The following LMAN1 variants were observed in gnomAD, a reference collection of about 807,000 sequenced individuals.
LMAN1 encodes protein ERGIC-53.
In LMAN1, 32 loss-of-function variants were observed where a neutral mutation model predicts 67.8. The ratio of observed to expected loss-of-function variants is 0.47; its 90% confidence interval spans 0.36 to 0.63. The LOEUF (loss-of-function observed/expected upper bound fraction) is 0.63. Among genes scored for constraint, LMAN1 ranks in the 30% least tolerant of loss-of-function variants. The pLI is 0.00. For missense variants in LMAN1, 632 were observed against 628.2 expected (o/e 1.01, Z -0.06); for synonymous variants, 235 against 219.3 (o/e 1.07, Z -0.63).
At chr18:59,331,679 CT>C (rs988333412) in intron 11 of LMAN1, 140 bp from the exon 12 acceptor site, 6 of 928,640 alleles carry the variant, frequency 6.5e-6, no homozygotes, top group Non-Finnish European at 9.8e-6. Flanking sequence ...CTTCTATCCC[CT>C]TAACTTTTAC....
At chr18:59,344,146 T>C (rs962313067) in intron 8 of LMAN1, among the ~76,000 whole-genome samples, 1 of 152,092 alleles carries the variant, frequency 6.6e-6, no homozygotes, top group African/African-American at 2.4e-5. Context: ...AGACAACAGA[T>C]GTTGTCAAGA....
intron 1 of LMAN1, among the ~76,000 whole-genome samples, chr18:59,357,828 G>A (rs757962385): frequency 1.3e-5 from 2 of 152,042 alleles, no homozygotes; most frequent in African/African-American, 4.8e-5. Flanking sequence ...TTACTTATGG[G>A]GGAGGTGGGA....
chr18:59,346,870 C>T (rs1237777619), intron 7 of LMAN1, among the ~76,000 whole-genome samples: 1 of 152,042 alleles, frequency 6.6e-6, no homozygotes. Context: ...ACTTGCTATA[C>T]GTGCACTGTC....
intron 10 of LMAN1, among the ~76,000 whole-genome samples, chr18:59,334,101 T>G (rs1291315153): frequency 2.0e-5 from 3 of 152,194 alleles, no homozygotes; most frequent in Non-Finnish European, 4.4e-5. Flanking sequence ...GCATAACATT[T>G]TAATATAACT....
intron 7 of LMAN1, among the ~76,000 whole-genome samples, 191 bp from the exon 8 acceptor site, chr18:59,346,242 CAA>C (rs1291771262): frequency 1.1e-5 from 1 of 92,180 alleles, no homozygotes; most frequent in African/African-American, 4.1e-5. Flanking sequence ...TTTTTAGAGA[CAA>C]GAGTCGCGCT....
At chr18:59,339,230 T>G (rs1244930405) in intron 8 of LMAN1, among the ~76,000 whole-genome samples, 1 of 152,192 alleles carries the variant, frequency 6.6e-6, no homozygotes, top group African/African-American at 2.4e-5. Context: ...GGGATCAAAA[T>G]GGCTAACCAG....
intron 10 of LMAN1, 24 bp downstream of exon 10, chr18:59,338,533 C>A (rs763193163): frequency 4.7e-5 from 75 of 1,597,556 alleles, no homozygotes; most frequent in Non-Finnish European, 6.1e-5. Context: ...ACATAACACA[C>A]AAACGCTACT....
intron 4 of LMAN1, among the ~76,000 whole-genome samples, chr18:59,353,694 C>T (rs1379085377): frequency 6.6e-6 from 1 of 152,134 alleles, no homozygotes; most frequent in East Asian, 1.9e-4. Flanking sequence ...AAGCTATTTC[C>T]TCCACAACAA....
intron 1 of LMAN1, among the ~76,000 whole-genome samples, chr18:59,355,868 T>TA (rs944402757): frequency 6.6e-5 from 10 of 152,168 alleles, no homozygotes; most frequent in African/African-American, 1.9e-4. Flanking sequence ...ACTCATACAC[T>TA]AAAAATTACA....
At chr18:59,345,776 G>GCT in intron 8 of LMAN1, 143 bp downstream of exon 8, 1 of 923,998 alleles carries the variant, frequency 1.1e-6, no homozygotes, top group Admixed American at 2.2e-5. Flanking sequence ...CTAAAGATTT[G>GCT]CTCCTAAATT....
At chr18:59,354,742 C>T (rs1908621477) in intron 3 of LMAN1, among the ~76,000 whole-genome samples, 162 bp from the exon 4 acceptor site, 1 of 152,138 alleles carries the variant, frequency 6.6e-6, no homozygotes, top group South Asian at 2.1e-4. Context: ...CTTTAAATTG[C>T]TAACAATAAC....
rs376448437 is a variant in LMAN1 at position 59,354,537 on chromosome 18, A to G, written c.521T>C (p.Ile174Thr). ...AIVIIGNNGQIHYDHQNDGAS... is the reference protein window; with the variant it reads ...AIVIIGNNGQTHYDHQNDGAS... Reference sequence around the variant, plus strand: ...CACTTACTTTTGATGGTCATAATGGATTTGTCCATTGTTGCCTATAATTAC... The same window carrying G: ...CACTTACTTTTGATGGTCATAATGGGTTTGTCCATTGTTGCCTATAATTAC... Residue 174 changes from isoleucine (I) to threonine (T), a missense_variant, in exon 4 of 13, where the codon ATC becomes ACC. Ile to Thr is a moderately conservative substitution (Grantham distance 89, BLOSUM62 -1). Transcript: ENST00000251047. 35 of 1,515,472 alleles carry G rather than the reference A, an allele frequency of 2.3e-5. No individual in the cohort carries two copies. The highest frequency in any genetic ancestry group is 3.0e-5 in the Non-Finnish European group (33 of 1,090,982). The allele number at this position is 1,515,472 out of a possible 1,614,324, so 93.9% of individuals were successfully genotyped here.
At chr18:59,341,299 C>A (rs561655328) in intron 8 of LMAN1, among the ~76,000 whole-genome samples, 1 of 151,912 alleles carries the variant, frequency 6.6e-6, no homozygotes, top group Non-Finnish European at 1.5e-5. Context: ...CTAGATAGAT[C>A]GAGACAGAAA....
chr18:59,358,333 C>T (rs1048493832), intron 1 of LMAN1, among the ~76,000 whole-genome samples: 2 of 152,026 alleles, frequency 1.3e-5, no homozygotes, highest in Non-Finnish European at 2.9e-5. Context: ...ACAATCAATC[C>T]CTAAAAATAT....
rs1057457222 is a variant in LMAN1 at position 59,349,143 on chromosome 18, C to G, written c.733G>C (p.Gly245Arg). 1.9e-6 allele frequency: 3 copies of G among 1,614,012 alleles called. No homozygotes were observed. The change falls in exon 6 of 13, where the codon GGA becomes CGA. Residue 245 changes from glycine to arginine, a missense_variant. Gly to Arg is a moderately radical substitution (Grantham distance 125). Transcript: ENST00000251047. ...AGACCTCCAGTTGCAGCAGATATTC[C>G]AAAATGCCCTTGTGCAGGGATAATC... ...NMIIPAQGHF[G>R]ISAATGGLAD...
chr18:59,359,216 C>A lies in LMAN1; in HGVS notation c.29G>T (p.Arg10Leu). MAGSRQRGL[R>L]ARVRPLFCAL... is the part of the protein sequence containing the mutation. Reference sequence around the variant, plus strand: ...GCAGAACAGCGGCCGAACTCTGGCCCGGAGACCCCTTTGCCTGGATCCCGC... The same window carrying A: ...GCAGAACAGCGGCCGAACTCTGGCCAGGAGACCCCTTTGCCTGGATCCCGC... The change falls in exon 1 of 13, where the codon CGG becomes CTG. Residue 10 changes from arginine to leucine, a missense_variant. Transcript: ENST00000251047. 6.2e-7 allele frequency: 1 copy of A among 1,613,926 alleles called. No homozygotes were observed. Among genetic ancestry groups the A allele is most frequent in the Non-Finnish European group, 8.5e-7 (1 of 1,179,870 alleles).
At chr18:59,335,959 T>G (rs1437231970) in intron 10 of LMAN1, among the ~76,000 whole-genome samples, 1 of 152,174 alleles carries the variant, frequency 6.6e-6, no homozygotes, top group African/African-American at 2.4e-5. Flanking sequence ...TAGATACAGA[T>G]AATAAGAACC....
In LMAN1 at chr18:59,331,109, G is replaced by A; in HGVS notation, c.1517C>T (p.Ala506Val). 6.2e-7 allele frequency: 1 copy of A among 1,611,662 alleles called. No individual in the cohort carries two copies. The highest frequency in any genetic ancestry group is 1.3e-5 in the African/African-American group (1 of 74,894). Residue 506 changes from alanine (A) to valine (V), a missense_variant, in exon 13 of 13, where the codon GCC (alanine) becomes GTC (valine). Transcript: ENST00000251047. ...IMYRSQQEAA[A>V]KKFF Reference sequence around the variant, plus strand: ...AAATGGTAGTCAAAAGAATTTTTTGGCAGCTGCTTCTTGCTGAGACCTAAT... The same window carrying A: ...AAATGGTAGTCAAAAGAATTTTTTGACAGCTGCTTCTTGCTGAGACCTAAT...
intron 10 of LMAN1, among the ~76,000 whole-genome samples, chr18:59,335,830 G>A (rs997809290): frequency 6.6e-6 from 1 of 152,136 alleles, no homozygotes; most frequent in African/African-American, 2.4e-5. Flanking sequence ...GAGATAAAAG[G>A]AACTTTACAT....
Sources: allele counts gnomAD v4.1 joint callset (sites outside exome capture counted in the v4.1 genomes callset), GRCh38; gene constraint gnomAD v4.1.1; transcripts MANE v1.5; gene names NCBI Gene and HGNC (gene_info 2026-07-23, HGNC 2026-07-21).